FAT3: variants seen among roughly 807,000 people sequenced by gnomAD.
The protein encoded by FAT3 is protocadherin Fat 3.
A neutral mutation model predicts 310.2 loss-of-function variants in FAT3; 95 were observed. The ratio of observed to expected loss-of-function variants is 0.31; its 90% confidence interval spans 0.26 to 0.36. The LOEUF is 0.36. FAT3 is among the 10% of genes least tolerant of loss of function. FAT3 has a pLI of 1.00. For synonymous variants in FAT3, 2,314 were observed against 2,192.9 expected (o/e 1.06, Z -1.54); for missense variants, 5,408 against 5,715.6 (o/e 0.95, Z 1.74).
intron 4 of FAT3, among the ~76,000 whole-genome samples, chr11:92,726,293 TAA>T (rs1424049308): frequency 6.6e-6 from 1 of 152,168 alleles, no homozygotes; most frequent in Non-Finnish European, 1.5e-5. Context: ...ACTATGGATA[TAA>T]GTGGTTTAAT....
chr11:92,648,769 C>G (rs543586600), intron 3 of FAT3, among the ~76,000 whole-genome samples: 3 of 152,158 alleles, frequency 2.0e-5, no homozygotes, highest in Non-Finnish European at 4.4e-5. Context: ...TTCAACAAAC[C>G]ATTGTGACGG....
chr11:92,337,620 CAG>C (rs1430323492), intron 1 of FAT3, among the ~76,000 whole-genome samples: 2 of 152,186 alleles, frequency 1.3e-5, no homozygotes, highest in African/African-American at 4.8e-5. Flanking sequence ...TTAGTAGAGA[CAG>C]GGTTTCGCCA....
intron 1 of FAT3, among the ~76,000 whole-genome samples, chr11:92,320,260 T>C (rs1196733814): frequency 6.6e-6 from 1 of 152,212 alleles, no homozygotes; most frequent in Non-Finnish European, 1.5e-5. Context: ...TAGTTACTTT[T>C]AGGCAGAGTC....
chr11:92,707,460 A>T (rs1283455326), intron 4 of FAT3, among the ~76,000 whole-genome samples: 2 of 152,168 alleles, frequency 1.3e-5, no homozygotes, highest in Admixed American at 1.3e-4. Flanking sequence ...AATAGCCTCA[A>T]CCTCTGGCTG....
intron 4 of FAT3, among the ~76,000 whole-genome samples, chr11:92,704,552 T>G (rs942778409): frequency 7.9e-5 from 12 of 152,326 alleles, no homozygotes; most frequent in Admixed American, 4.6e-4. Context: ...GGAAGAGCCC[T>G]AATCCAATAT....
chr11:92,457,407 G>T (rs749002916), intron 2 of FAT3, among the ~76,000 whole-genome samples: 1 of 152,120 alleles, frequency 6.6e-6, no homozygotes, highest in Non-Finnish European at 1.5e-5. Flanking sequence ...CAGTGCAGTT[G>T]CAGGCTTGTA....
At chr11:92,550,174 G>T (rs148763631) in intron 3 of FAT3, among the ~76,000 whole-genome samples, 107 of 152,242 alleles carry the variant, frequency 7.0e-4, no homozygotes, top group African/African-American at 2.5e-3. Flanking sequence ...AAATTAGGCT[G>T]TAAAAGAAAT....
At chr11:92,478,972 CT>C (rs377677951) in intron 2 of FAT3, among the ~76,000 whole-genome samples, 2 of 143,742 alleles carry the variant, frequency 1.4e-5, no homozygotes, top group Non-Finnish European at 3.0e-5. Context: ...CTTTTCTTTT[CT>C]TTTCTTTTCT....
intron 2 of FAT3, among the ~76,000 whole-genome samples, chr11:92,507,778 C>T (rs955505138): frequency 4.0e-5 from 6 of 151,820 alleles, no homozygotes; most frequent in African/African-American, 1.5e-4. Context: ...CATATACACA[C>T]ATCCTATATA....
At chr11:92,381,392 A>G (rs1006553276) in intron 2 of FAT3, among the ~76,000 whole-genome samples, 1 of 151,972 alleles carries the variant, frequency 6.6e-6, no homozygotes, top group African/African-American at 2.4e-5. Flanking sequence ...ATATACCTGT[A>G]CTCCTAGCTA....
In FAT3 at chr11:92,823,630, G is replaced by T. The variant is rs16918136; in HGVS notation, c.9482-7992G>T. Among the ~76,000 whole-genome samples, 1,466 of 152,232 alleles carry T rather than the reference G, an allele frequency of 9.6e-3. 51 individuals are homozygous for T. In the East Asian group the frequency reaches 0.1, roughly 11 times the overall value. On this transcript the variant is annotated intron_variant, in intron 13 of 27. Transcript: ENST00000525166. Reference sequence around the variant, plus strand: ...GCAGAGCTACAGCCAGCCCAATTGGGAAGTCCTCAACAGATTTTTGGTGCA... The same window carrying T: ...GCAGAGCTACAGCCAGCCCAATTGGTAAGTCCTCAACAGATTTTTGGTGCA...
chr11:92,367,439 A>G (rs1949056522), intron 2 of FAT3, among the ~76,000 whole-genome samples: 1 of 152,128 alleles, frequency 6.6e-6, no homozygotes, highest in South Asian at 2.1e-4. Flanking sequence ...CTAAAAATAA[A>G]TAAATTAATT....
chr11:92,569,907 T>C (rs1565421092), intron 3 of FAT3, among the ~76,000 whole-genome samples: 1 of 152,172 alleles, frequency 6.6e-6, no homozygotes, highest in Non-Finnish European at 1.5e-5. Context: ...TCTGGAGCTA[T>C]GACTTTGAGC....
At chr11:92,428,507 C>T (rs1036159708) in intron 2 of FAT3, among the ~76,000 whole-genome samples, 3 of 152,134 alleles carry the variant, frequency 2.0e-5, no homozygotes, top group East Asian at 3.9e-4. Context: ...TGCACTTTCT[C>T]CTGTGGGCAT....
intron 3 of FAT3, among the ~76,000 whole-genome samples, chr11:92,661,115 G>T (rs1049367877): frequency 6.6e-6 from 1 of 152,146 alleles, no homozygotes; most frequent in African/African-American, 2.4e-5. Flanking sequence ...TGGTAGTGTT[G>T]GAAATGGCTC....
intron 2 of FAT3, among the ~76,000 whole-genome samples, chr11:92,492,245 ATC>A (rs1952623428): frequency 1.2e-5 from 1 of 83,770 alleles, no homozygotes; most frequent in African/African-American, 1.1e-4. Context: ...ATATATTTCC[ATC>A]CATCCATCCA....
At chr11:92,457,348 G>A (rs573650199) in intron 2 of FAT3, among the ~76,000 whole-genome samples, 30 of 152,278 alleles carry the variant, frequency 2.0e-4, no homozygotes, top group African/African-American at 7.0e-4. Context: ...AGGAAGAATT[G>A]CAGGTCTAGT....
At chr11:92,788,719 GC>G (rs1158559670) in intron 7 of FAT3, among the ~76,000 whole-genome samples, 2 of 152,208 alleles carry the variant, frequency 1.3e-5, no homozygotes, top group Admixed American at 1.3e-4. Context: ...ACCTTAGCAA[GC>G]CTTTTAAATC....
At chr11:92,266,827 T>A (rs7102967) in intron 1 of FAT3, among the ~76,000 whole-genome samples, 18,603 of 152,136 alleles carry the variant, frequency 0.12, 1,249 homozygotes, top group East Asian at 0.3. Flanking sequence ...GGTTCTTGGG[T>A]GCCTTTTCCT....
Sources: allele counts gnomAD v4.1 joint callset (sites outside exome capture counted in the v4.1 genomes callset), GRCh38; gene constraint gnomAD v4.1.1; transcripts MANE v1.5; gene names NCBI Gene and HGNC (gene_info 2026-07-23, HGNC 2026-07-21).